The following BTBD1 variants were observed in gnomAD, a reference collection of about 807,000 sequenced individuals.
BTBD1 encodes the protein BTB domain containing 1.
A neutral mutation model predicts 48.0 loss-of-function variants in BTBD1; 34 were observed. The observed-to-expected ratio is 0.71, with a 90% CI of 0.54 to 0.94. The LOEUF is 0.94. Among genes scored for constraint, BTBD1 ranks in the 40% least tolerant of loss-of-function variants. The probability of loss-of-function intolerance (pLI) is 0.00; values close to 1 mark genes in which losing one functional copy is unlikely to be tolerated. For missense variants in BTBD1, 543 were observed against 625.6 expected (o/e 0.87, Z 1.41); for synonymous variants, 261 against 242.1 (o/e 1.08, Z -0.72).
chr15:83,038,015 C>T (rs2032664146), intron 4 of BTBD1, among the ~76,000 whole-genome samples: 1 of 152,238 alleles, frequency 6.6e-6, no homozygotes, highest in Admixed American at 6.5e-5. Context: ...ACCCGGGAGG[C>T]AGAGGTTGCA....
chr15:83,040,797 A>C (rs1487986314), intron 4 of BTBD1, among the ~76,000 whole-genome samples: 2 of 151,892 alleles, frequency 1.3e-5, no homozygotes, highest in South Asian at 2.1e-4. Context: ...TGACCTGGGT[A>C]ATGAAAACAG....
intron 1 of BTBD1, among the ~76,000 whole-genome samples, chr15:83,061,231 G>A (rs1454016244): frequency 1.3e-5 from 2 of 152,128 alleles, no homozygotes; most frequent in Non-Finnish European, 2.9e-5. Flanking sequence ...TAAAACAATG[G>A]TGAGTATTGT....
intron 4 of BTBD1, among the ~76,000 whole-genome samples, chr15:83,037,629 A>C (rs2032654991): frequency 6.6e-6 from 1 of 152,244 alleles, no homozygotes; most frequent in South Asian, 2.1e-4. Flanking sequence ...AATTAGAAAA[A>C]GACAAGGATG....
intron 3 of BTBD1, among the ~76,000 whole-genome samples, chr15:83,042,694 T>C (rs1243110514): frequency 6.6e-6 from 1 of 152,174 alleles, no homozygotes; most frequent in Admixed American, 6.5e-5. Flanking sequence ...AGCACTGATA[T>C]ATCACTGAAC....
intron 5 of BTBD1, among the ~76,000 whole-genome samples, chr15:83,021,986 C>A (rs1447261970): frequency 6.6e-6 from 1 of 152,006 alleles, no homozygotes; most frequent in Non-Finnish European, 1.5e-5. Context: ...GCCCTATAAG[C>A]TAGATAACAG....
intron 1 of BTBD1, among the ~76,000 whole-genome samples, chr15:83,060,440 C>T (rs1027705562): frequency 6.9e-6 from 1 of 145,354 alleles, no homozygotes; most frequent in African/African-American, 2.6e-5. Context: ...GTCCTATTTT[C>T]CCCCCAAATT....
At chr15:83,030,557 G>A in intron 4 of BTBD1, 1 of 444,668 alleles carries the variant, frequency 2.2e-6, no homozygotes, top group East Asian at 4.1e-5. Context: ...TTAGATCCAG[G>A]AATAAATGCT....
intron 4 of BTBD1, among the ~76,000 whole-genome samples, chr15:83,038,385 G>A (rs1260413364): frequency 6.6e-6 from 1 of 152,094 alleles, no homozygotes; most frequent in Non-Finnish European, 1.5e-5. Flanking sequence ...AAACACTGCT[G>A]GAGGAAATCA....
chr15:83,065,208 G>A (rs2033244048), intron 1 of BTBD1, among the ~76,000 whole-genome samples: 1 of 152,174 alleles, frequency 6.6e-6, no homozygotes, highest in South Asian at 2.1e-4. Context: ...TGCTTCTTAC[G>A]TGTGGAAAGA....
At chr15:83,066,650 C>T in intron 1 of BTBD1, 101 bp downstream of exon 1, 2 of 1,236,868 alleles carry the variant, frequency 1.6e-6, no homozygotes, top group Non-Finnish European at 2.0e-6. Flanking sequence ...AGAGCCCAGC[C>T]CAAGGTCATC....
chr15:83,035,524 C>A (rs545398707), intron 4 of BTBD1, among the ~76,000 whole-genome samples: 1 of 151,828 alleles, frequency 6.6e-6, no homozygotes, highest in South Asian at 2.1e-4. Context: ...ATTAAAAATT[C>A]TTAATCGAAT....
intron 5 of BTBD1, among the ~76,000 whole-genome samples, chr15:83,029,068 T>A (rs2032466326): frequency 6.6e-6 from 1 of 152,144 alleles, no homozygotes; most frequent in South Asian, 2.1e-4. Flanking sequence ...TTATTACTTT[T>A]TCTTTGTGTG....
In BTBD1 at chr15:83,041,848, C is replaced by T. The variant is rs1385794020; in HGVS notation, c.742G>A (p.Ala248Thr). Residue 248 changes from alanine to threonine, a missense_variant, in exon 4 of 8, where the codon GCA (alanine) becomes ACA (threonine). Ala to Thr is a moderately conservative substitution (Grantham distance 58). This residue lies in a region of BTBD1 where 300 missense variants were observed against 350.0 expected (regional missense o/e 0.86). Transcript: ENST00000261721. ...SRLFGAVVRW[A>T]EAECQRQQLP... ...TGTTGTCTCTGACATTCTGCTTCTG[C>T]CCAGCGTACAACAGCTCCAAAAAGT... 4 of 1,614,118 alleles carry T rather than the reference C, an allele frequency of 2.5e-6. No homozygotes were observed. Among genetic ancestry groups the T allele is most frequent in the Non-Finnish European group, 3.4e-6 (4 of 1,179,990 alleles).
At chr15:83,020,619 A>G (rs2032275088) in intron 6 of BTBD1, 56 bp downstream of exon 6, 2 of 1,187,394 alleles carry the variant, frequency 1.7e-6, no homozygotes, top group Non-Finnish European at 2.4e-6. Flanking sequence ...ACAATATCTT[A>G]AAGTTACCTG....
chr15:83,059,581 C>T (rs1384483880), intron 1 of BTBD1, among the ~76,000 whole-genome samples: 1 of 152,126 alleles, frequency 6.6e-6, no homozygotes, highest in Non-Finnish European at 1.5e-5. Flanking sequence ...AAGTTTATAG[C>T]TTATACATTT....
chr15:83,020,826 T>C (rs2032280737), intron 5 of BTBD1, 64 bp from the exon 6 acceptor site: 2 of 1,047,382 alleles, frequency 1.9e-6, no homozygotes, highest in Non-Finnish European at 1.4e-6. Context: ...TGAAGGGTTA[T>C]AATTTTTTTT....
chr15:83,018,599 T>C (rs2032218002), intron 7 of BTBD1, 108 bp downstream of exon 7: 1 of 1,261,822 alleles, frequency 7.9e-7, no homozygotes, highest in East Asian at 2.5e-5. Context: ...CAGCTTCTTT[T>C]CCCCCCTCTT....
At chr15:83,042,190 C>G (rs1345711269) in intron 3 of BTBD1, among the ~76,000 whole-genome samples, 1 of 151,470 alleles carries the variant, frequency 6.6e-6, no homozygotes, top group Non-Finnish European at 1.5e-5. Context: ...ATATTTATGC[C>G]ATTTATCAAG....
intron 4 of BTBD1, among the ~76,000 whole-genome samples, chr15:83,041,151 CAAAAAAAGA>C (rs374410412): frequency 3.0e-4 from 21 of 69,248 alleles, no homozygotes; most frequent in African/African-American, 6.5e-4. Context: ...GACTCTGTCT[CAAAAAAAGA>C]AAAAAAAGAA....
Sources: gnomAD v4.1 joint callset for allele counts (sites outside exome capture counted in the v4.1 genomes callset) on GRCh38, gnomAD v4.1.1 for gene constraint, gnomAD v4.1.1 regional missense constraint, MANE v1.5 for transcripts, NCBI Gene and HGNC (gene_info 2026-07-23, HGNC 2026-07-21) for gene names.